Variants in DNM3 observed in about 807,000 individuals in gnomAD.
DNM3 encodes the protein dynamin 3.
DNM3 carries 47 observed loss-of-function variants against 101.6 expected under a neutral mutation model. That is an observed-to-expected ratio of 0.46 (90% confidence interval 0.37 to 0.59). The LOEUF (loss-of-function observed/expected upper bound fraction) is 0.59, where lower values mean the gene tolerates loss of function less well. DNM3 is among the 20% of genes least tolerant of loss of function. The pLI is 0.00. For synonymous variants in DNM3, 385 were observed against 387.9 expected, an observed-to-expected ratio of 0.99 and a Z score of 0.09; for missense variants, 849 against 1,085.7, an observed-to-expected ratio of 0.78 and a Z score of 3.06.
chr1:172,416,235 C>A (rs909612868), downstream of DNM3, among the ~76,000 whole-genome samples: 1 of 152,098 alleles, frequency 6.6e-6, no homozygotes, highest in African/African-American at 2.4e-5. Context: ...TATGAGGTAC[C>A]TTTGTAGCTC....
At chr1:171,846,914 A>G (rs1363156215) in intron 1 of DNM3, among the ~76,000 whole-genome samples, 1 of 152,230 alleles carries the variant, frequency 6.6e-6, no homozygotes, top group African/African-American at 2.4e-5. Context: ...CATACCTTCT[A>G]TTCCTTACCT....
chr1:172,306,899 T>C (rs1423324730), intron 15 of DNM3, among the ~76,000 whole-genome samples: 2 of 152,174 alleles, frequency 1.3e-5, no homozygotes, highest in Non-Finnish European at 2.9e-5. Flanking sequence ...AATACTTAAA[T>C]GTTAGACCTA....
At chr1:171,933,104 T>A (rs1463556401) in intron 2 of DNM3, among the ~76,000 whole-genome samples, 1 of 152,190 alleles carries the variant, frequency 6.6e-6, no homozygotes, top group Non-Finnish European at 1.5e-5. Flanking sequence ...CTACAGTCTT[T>A]CAGGTACCTC....
intron 2 of DNM3, among the ~76,000 whole-genome samples, chr1:171,979,229 T>C (rs1452121832): frequency 6.6e-6 from 1 of 152,154 alleles, no homozygotes; most frequent in African/African-American, 2.4e-5. Flanking sequence ...TTATAATAAT[T>C]ATATAGTTTG....
At chr1:172,040,719 GC>G (rs1336972186) in intron 7 of DNM3, among the ~76,000 whole-genome samples, 1 of 152,160 alleles carries the variant, frequency 6.6e-6, no homozygotes, top group Non-Finnish European at 1.5e-5. Flanking sequence ...GAGGAGTGGT[GC>G]CGGATAGAGT....
At chr1:171,970,689 G>A (rs965646233) in intron 2 of DNM3, among the ~76,000 whole-genome samples, 5 of 87,734 alleles carry the variant, frequency 5.7e-5, no homozygotes, top group Non-Finnish European at 9.5e-5. Context: ...ATAGGGTATA[G>A]TAAGAATCAT....
At chr1:171,863,079 C>A (rs2034348310) in intron 1 of DNM3, among the ~76,000 whole-genome samples, 1 of 147,878 alleles carries the variant, frequency 6.8e-6, no homozygotes. Context: ...ACATAACATT[C>A]AAAGGGGATG....
intron 15 of DNM3, among the ~76,000 whole-genome samples, chr1:172,272,027 T>A (rs13376215): frequency 0.044 from 6,622 of 152,168 alleles, 441 homozygotes; most frequent in African/African-American, 0.14. Context: ...ATGACAGGCT[T>A]ATTTTGTTTA....
At chr1:172,003,177 A>C (rs12406353) in intron 4 of DNM3, among the ~76,000 whole-genome samples, 19,614 of 151,902 alleles carry the variant, frequency 0.13, 1,449 homozygotes, top group African/African-American at 0.21. Context: ...ATTGCTATTC[A>C]AGGTAAAAGT....
intron 1 of DNM3, among the ~76,000 whole-genome samples, chr1:171,853,260 C>G (rs1558166204): frequency 6.6e-6 from 1 of 152,120 alleles, no homozygotes; most frequent in East Asian, 1.9e-4. Flanking sequence ...ATATCCCTGG[C>G]TGATGAGATC....
chr1:172,107,999 A>G (rs1349949389), intron 13 of DNM3, among the ~76,000 whole-genome samples: 1 of 151,998 alleles, frequency 6.6e-6, no homozygotes, highest in Non-Finnish European at 1.5e-5. Flanking sequence ...GTCAGGCAGG[A>G]GGTACCCGGT....
chr1:172,294,700 C>G (rs1232399542), intron 15 of DNM3, among the ~76,000 whole-genome samples: 1 of 152,042 alleles, frequency 6.6e-6, no homozygotes, highest in Non-Finnish European at 1.5e-5. Flanking sequence ...ATCGTTTGAG[C>G]TCACAAGTTC....
chr1:171,893,473 A>G (rs34051140), intron 1 of DNM3, among the ~76,000 whole-genome samples: 4,196 of 148,762 alleles, frequency 0.028, 78 homozygotes, highest in Non-Finnish European at 0.045. Context: ...TTGTCTTTTG[A>G]GACAGGGTCT....
At chr1:172,089,181 G>A (rs185764425) in intron 12 of DNM3, among the ~76,000 whole-genome samples, 210 of 152,216 alleles carry the variant, frequency 1.4e-3, no homozygotes, top group Non-Finnish European at 5.3e-4. Flanking sequence ...TTATTAATAT[G>A]GATTTTATTT....
intron 20 of DNM3, 68 bp downstream of exon 20, chr1:172,388,877 A>T: frequency 7.9e-7 from 1 of 1,268,394 alleles, no homozygotes; most frequent in Non-Finnish European, 1.1e-6. Context: ...TGACAGACAA[A>T]ATTTATTTGA....
At chr1:172,355,424 T>C (rs2067401432) in intron 17 of DNM3, among the ~76,000 whole-genome samples, 1 of 152,150 alleles carries the variant, frequency 6.6e-6, no homozygotes, top group African/African-American at 2.4e-5. Context: ...AAAAATGAAG[T>C]GCAGTTATTG....
intron 18 of DNM3, among the ~76,000 whole-genome samples, chr1:172,384,755 T>C (rs561338624): frequency 6.6e-6 from 1 of 152,326 alleles, no homozygotes; most frequent in East Asian, 1.9e-4. Context: ...TTTAATAGAT[T>C]CTAAGTGATA....
At chr1:172,388,883 T>C in intron 20 of DNM3, 74 bp downstream of exon 20, 1 of 1,235,438 alleles carries the variant, frequency 8.1e-7, no homozygotes, top group Non-Finnish European at 1.1e-6. Context: ...ACAAAATTTA[T>C]TTGAAAGAGA....
At chr1:172,154,090 T>C (rs992667752) in intron 14 of DNM3, among the ~76,000 whole-genome samples, 1 of 152,120 alleles carries the variant, frequency 6.6e-6, no homozygotes, top group African/African-American at 2.4e-5. Flanking sequence ...TTATATCTTA[T>C]CTTTCTAACT....
Sources: allele counts gnomAD v4.1 joint callset (sites outside exome capture counted in the v4.1 genomes callset), GRCh38; gene constraint gnomAD v4.1.1; transcripts MANE v1.5; gene names NCBI Gene and HGNC (gene_info 2026-07-23, HGNC 2026-07-21).